TMEM39A: variants seen among roughly 807,000 people sequenced by gnomAD.
TMEM39A encodes transmembrane protein 39A.
Under a neutral mutation model 51.9 loss-of-function variants are expected in TMEM39A, and 19 were observed. The observed-to-expected ratio is 0.37, with a 90% CI of 0.26 to 0.54. The LOEUF is 0.54. TMEM39A is among the 20% of genes least tolerant of loss of function. The pLI is 0.88. For missense variants in TMEM39A, 433 were observed against 590.5 expected, an observed-to-expected ratio of 0.73 and a Z score of 2.76; for synonymous variants, 197 against 220.2, an observed-to-expected ratio of 0.89 and a Z score of 0.93.
In TMEM39A at chr3:119,437,868, G is replaced by A. The variant is rs749994878; in HGVS notation, c.811C>T (p.Arg271Cys). The A allele has an allele frequency of 3.7e-6, 6 of 1,612,466 alleles. No homozygotes were observed. Among genetic ancestry groups the A allele is most frequent in the Non-Finnish European group, 5.1e-6 (6 of 1,178,602 alleles). ...HSCPLSPDLI[R>C]NEVECLKADF... ...GCTTTCAGACATTCTACTTCATTGC[G>A]AATGAGGTCTGGAGATAGGGGACAA... Residue 271 changes from arginine (R) to cysteine (C), a missense_variant, in exon 6 of 9, where the codon CGC (arginine) becomes TGC (cysteine). Coordinates refer to ENST00000319172, the MANE Select transcript of TMEM39A (RefSeq NM_018266.3).
At chr3:119,433,337 T>C (rs1465976255) in intron 8 of TMEM39A, among the ~76,000 whole-genome samples, 4 of 152,186 alleles carry the variant, frequency 2.6e-5, no homozygotes, top group African/African-American at 7.2e-5. Flanking sequence ...TGCCAATTCC[T>C]GGGATCATCC....
chr3:119,450,620 G>A (rs1257670397), intron 4 of TMEM39A, among the ~76,000 whole-genome samples: 1 of 151,846 alleles, frequency 6.6e-6, no homozygotes, highest in South Asian at 2.1e-4. Flanking sequence ...CCAGAAGTTC[G>A]AGACCAGCCT....
intron 4 of TMEM39A, among the ~76,000 whole-genome samples, chr3:119,448,667 C>A (rs146255995): frequency 3.5e-3 from 539 of 152,254 alleles, no homozygotes; most frequent in Non-Finnish European, 5.4e-3. Context: ...TCATATAACT[C>A]CCCTGATACA....
intron 5 of TMEM39A, among the ~76,000 whole-genome samples, chr3:119,439,474 G>A (rs187926472): frequency 9.7e-4 from 147 of 151,450 alleles, no homozygotes; most frequent in African/African-American, 2.6e-3. Flanking sequence ...CCAGCTACTC[G>A]GAGGCTGAGG....
chr3:119,458,219 A>T lies in TMEM39A; in HGVS notation c.135T>A (p.Leu45=), dbSNP rs2081291522. Residue 45 remains leucine, a synonymous_variant, in exon 3 of 9, where the codon CTT becomes CTA. Coordinates refer to ENST00000319172, the MANE Select transcript of TMEM39A (RefSeq NM_018266.3). Reference sequence around the variant, plus strand: ...TTAAGGCTGTGATAGGTGGGACTGGAAGGCCAATAGCACTACCATTCCTGA... The same window carrying T: ...TTAAGGCTGTGATAGGTGGGACTGGTAGGCCAATAGCACTACCATTCCTGA... ...LRNRNGSAIG[L]PVPPITALIT... 1 of 1,613,880 alleles carries T rather than the reference A, an allele frequency of 6.2e-7. No homozygotes were observed.
At chr3:119,436,455 A>C (rs993399897) in intron 7 of TMEM39A, 1 of 185,882 alleles carries the variant, frequency 5.4e-6, no homozygotes, top group African/African-American at 2.4e-5. Flanking sequence ...GACAAATCTT[A>C]AAGTCTTCTA....
chr3:119,443,192 C>A (rs1453263391), intron 5 of TMEM39A, among the ~76,000 whole-genome samples: 1 of 151,558 alleles, frequency 6.6e-6, no homozygotes, highest in African/African-American at 2.4e-5. Context: ...AAATCTATTT[C>A]TGGTAAAGAT....
chr3:119,456,796 A>C (rs1218322954), intron 3 of TMEM39A, among the ~76,000 whole-genome samples: 7 of 152,256 alleles, frequency 4.6e-5, no homozygotes, highest in Admixed American at 4.6e-4. Context: ...TGTAGAGACA[A>C]GGTCTCACTA....
intron 3 of TMEM39A, among the ~76,000 whole-genome samples, chr3:119,457,500 C>A (rs1338198331): frequency 6.6e-6 from 1 of 152,144 alleles, no homozygotes; most frequent in Non-Finnish European, 1.5e-5. Flanking sequence ...CTTTACATTG[C>A]CCTAAGCTCT....
At chr3:119,460,968 C>G (rs1416792608) in intron 2 of TMEM39A, among the ~76,000 whole-genome samples, 1 of 151,992 alleles carries the variant, frequency 6.6e-6, no homozygotes, top group East Asian at 1.9e-4. Flanking sequence ...TAAAATAATA[C>G]TTATTTGTAG....
chr3:119,436,018 C>T (rs1416380667), intron 7 of TMEM39A: 1 of 982,230 alleles, frequency 1.0e-6, no homozygotes, highest in East Asian at 6.3e-5. Flanking sequence ...ATCTGTCCCA[C>T]TTAACTAGGG....
chr3:119,451,034 C>A (rs989497746), intron 4 of TMEM39A, among the ~76,000 whole-genome samples: 1 of 152,078 alleles, frequency 6.6e-6, no homozygotes, highest in African/African-American at 2.4e-5. Context: ...GAAACAAAAT[C>A]ATTTCCTATT....
At chr3:119,443,081 A>G (rs902854865) in intron 5 of TMEM39A, among the ~76,000 whole-genome samples, 3 of 151,550 alleles carry the variant, frequency 2.0e-5, no homozygotes, top group Admixed American at 6.6e-5. Flanking sequence ...AAAAAAAAAA[A>G]AAAAAAGTGA....
Position 119,434,849 on chromosome 3 carries a change from C to A in TMEM39A, c.1146G>T (p.Val382=). The A allele has an allele frequency of 8.7e-6, 14 of 1,613,748 alleles. No homozygotes were observed. The highest frequency in any genetic ancestry group is 1.2e-5 in the Non-Finnish European group (14 of 1,179,708). The part of the protein sequence containing the change: ...WSENTIWPQG[V]LVRHSRCLYR... ...ATAAACATCTGCTGTGCCGCACCAGCACCCCTTGAGGCCATATTGTATTTT... is the reference window on the plus strand; with the variant it reads ...ATAAACATCTGCTGTGCCGCACCAGAACCCCTTGAGGCCATATTGTATTTT... The change falls in exon 8 of 9, where the codon GTG becomes GTT. Residue 382 remains valine (V), a synonymous_variant. Transcript: ENST00000319172.
intron 7 of TMEM39A, chr3:119,435,577 T>TAAAA: frequency 1.2e-6 from 1 of 802,292 alleles, no homozygotes; most frequent in Non-Finnish European, 1.5e-6. Context: ...TTAAGCTTTT[T>TAAAA]AAAAAAAAAA....
chr3:119,461,415 ACT>A (rs2081335596), intron 2 of TMEM39A, among the ~76,000 whole-genome samples: 2 of 152,210 alleles, frequency 1.3e-5, no homozygotes. Context: ...CAAGAGAAAA[ACT>A]TTTTTCAGGG....
At chr3:119,460,072 G>A (rs2081318420) in intron 2 of TMEM39A, among the ~76,000 whole-genome samples, 1 of 150,618 alleles carries the variant, frequency 6.6e-6, no homozygotes, top group South Asian at 2.1e-4. Flanking sequence ...AATTTCTCTA[G>A]GTAAACATGT....
At chr3:119,436,532 T>G (rs1403069426) in intron 7 of TMEM39A, 3 of 336,702 alleles carry the variant, frequency 8.9e-6, no homozygotes, top group Non-Finnish European at 1.6e-5. Context: ...GAACGCCAAG[T>G]GCATTGCTTG....
Position 119,452,477 on chromosome 3 carries a change from C to G in TMEM39A, c.390G>C (p.Ala130=). 6.2e-7 allele frequency: 1 copy of G among 1,613,752 alleles called. No individual in the cohort carries two copies. Among genetic ancestry groups the G allele is most frequent in the Non-Finnish European group, 8.5e-7 (1 of 1,179,774 alleles). The change falls in exon 4 of 9, where the codon GCG becomes GCC. Residue 130 remains alanine (A), a synonymous_variant. Coordinates refer to ENST00000319172, the MANE Select transcript of TMEM39A (RefSeq NM_018266.3). ...HLAAFITVML[A]RRLVWALISE... Reference sequence around the variant, plus strand: ...AGATGAGAGCCCATACAAGCCTCCTCGCAAGCATCACTGTGATGAATGCTG... The same window carrying G: ...AGATGAGAGCCCATACAAGCCTCCTGGCAAGCATCACTGTGATGAATGCTG...
Sources: allele counts gnomAD v4.1 joint callset (sites outside exome capture counted in the v4.1 genomes callset), GRCh38; gene constraint gnomAD v4.1.1; transcripts MANE v1.5; gene names NCBI Gene and HGNC (gene_info 2026-07-23, HGNC 2026-07-21).